MECOM: variants seen among roughly 807,000 people sequenced by gnomAD.
The protein encoded by MECOM is MDS1 and EVI1 complex locus.
Under a neutral mutation model 116.3 loss-of-function variants are expected in MECOM, and 13 were observed. The ratio of observed to expected loss-of-function variants is 0.11; its 90% CI spans 0.07 to 0.18. The LOEUF (loss-of-function observed/expected upper bound fraction) is 0.18, where lower values mean the gene tolerates loss of function less well. MECOM is among the 10% of genes least tolerant of loss of function. The probability of loss-of-function intolerance (pLI) is 1.00; values close to 1 mark genes in which losing one functional copy is unlikely to be tolerated. For synonymous variants in MECOM, 528 were observed against 535.2 expected, an observed-to-expected ratio of 0.99 and a Z score of 0.19; for missense variants, 1,299 against 1,509.0, an observed-to-expected ratio of 0.86 and a Z score of 2.31.
intron 10 of MECOM, among the ~76,000 whole-genome samples, chr3:169,105,744 C>T (rs1725193677): frequency 6.6e-6 from 1 of 152,050 alleles, no homozygotes; most frequent in Non-Finnish European, 1.5e-5. Flanking sequence ...ATGTTATCTG[C>T]AGCCAGATGT....
intron 8 of MECOM, among the ~76,000 whole-genome samples, chr3:169,114,394 T>C (rs937622323): frequency 6.6e-6 from 1 of 152,166 alleles, no homozygotes; most frequent in African/African-American, 2.4e-5. Context: ...ATAATATACA[T>C]AGAAGAAGAA....
chr3:169,212,633 AATGTATATATATATATATATATATAT>A (rs1436349379), intron 2 of MECOM, among the ~76,000 whole-genome samples: 13,133 of 85,506 alleles, frequency 0.15, 1,672 homozygotes, highest in Non-Finnish European at 0.17. Flanking sequence ...TCTAGTCAGC[AATGTATATATATATATATATATATAT>A]ATATATATAT....
chr3:169,564,868 A>G (rs1177410673), intron 1 of MECOM, among the ~76,000 whole-genome samples: 1 of 152,170 alleles, frequency 6.6e-6, no homozygotes, highest in Non-Finnish European at 1.5e-5. Context: ...GCCTTCCCCA[A>G]TCCCAGGAGA....
chr3:169,541,089 C>T (rs969605037), intron 1 of MECOM, among the ~76,000 whole-genome samples: 1 of 152,160 alleles, frequency 6.6e-6, no homozygotes, highest in Non-Finnish European at 1.5e-5. Context: ...GAGCAGCAGT[C>T]CACAAACTGT....
intron 1 of MECOM, among the ~76,000 whole-genome samples, chr3:169,574,296 G>T (rs574609285): frequency 1.3e-5 from 2 of 152,056 alleles, no homozygotes; most frequent in Non-Finnish European, 2.9e-5. Context: ...TGATTTCACC[G>T]AGAGATTTAT....
chr3:169,594,632 A>G (rs1243995154), intron 1 of MECOM, among the ~76,000 whole-genome samples: 3 of 151,628 alleles, frequency 2.0e-5, no homozygotes, highest in South Asian at 4.2e-4. Context: ...GCTTGGGGAA[A>G]TGGGAAGAGG....
At chr3:169,363,966 A>G (rs1728748376) in intron 2 of MECOM, among the ~76,000 whole-genome samples, 1 of 151,988 alleles carries the variant, frequency 6.6e-6, no homozygotes, top group South Asian at 2.1e-4. Flanking sequence ...TTCATAAAAT[A>G]CACACAGATG....
intron 1 of MECOM, among the ~76,000 whole-genome samples, chr3:169,646,297 G>C (rs9829892): frequency 1.5e-5 from 2 of 132,952 alleles, no homozygotes; most frequent in African/African-American, 5.6e-5. Flanking sequence ...ATCACACACC[G>C]GGGCCTGTCA....
chr3:169,503,068 C>T (rs138836048), intron 1 of MECOM, among the ~76,000 whole-genome samples: 36 of 152,248 alleles, frequency 2.4e-4, no homozygotes, highest in Non-Finnish European at 4.6e-4. Flanking sequence ...ATGTATCATA[C>T]GATAGTAAAT....
intron 1 of MECOM, among the ~76,000 whole-genome samples, chr3:169,564,368 A>G (rs893529019): frequency 6.6e-6 from 1 of 152,222 alleles, no homozygotes; most frequent in Non-Finnish European, 1.5e-5. Context: ...ATAAAGAATC[A>G]GAATATAGGA....
At chr3:169,330,649 A>G (rs994982762) in intron 2 of MECOM, among the ~76,000 whole-genome samples, 3 of 152,120 alleles carry the variant, frequency 2.0e-5, no homozygotes, top group Non-Finnish European at 2.9e-5. Context: ...GTTAAGCAAA[A>G]TAAGTTTTCT....
chr3:169,154,857 T>A (rs1741712390), intron 2 of MECOM, among the ~76,000 whole-genome samples: 1 of 152,206 alleles, frequency 6.6e-6, no homozygotes. Context: ...AAATCTTATC[T>A]ATACTTCTAA....
intron 2 of MECOM, among the ~76,000 whole-genome samples, chr3:169,219,694 G>A (rs1335470076): frequency 6.6e-6 from 1 of 151,654 alleles, no homozygotes; most frequent in Non-Finnish European, 1.5e-5. Context: ...GAGAAAGTCT[G>A]TCACACTTGC....
chr3:169,128,995 C>T (rs373805578), intron 4 of MECOM, among the ~76,000 whole-genome samples: 1 of 152,166 alleles, frequency 6.6e-6, no homozygotes, highest in East Asian at 1.9e-4. Flanking sequence ...AACAATATGA[C>T]ACATAATCCC....
chr3:169,303,915 C>T (rs560789477), intron 2 of MECOM, among the ~76,000 whole-genome samples: 21 of 152,330 alleles, frequency 1.4e-4, no homozygotes, highest in Non-Finnish European at 2.9e-4. Context: ...TGAGATCAGA[C>T]ACTGCTGGTT....
At chr3:169,316,680 T>G (rs893130123) in intron 2 of MECOM, among the ~76,000 whole-genome samples, 1 of 152,104 alleles carries the variant, frequency 6.6e-6, no homozygotes, top group African/African-American at 2.4e-5. Flanking sequence ...GCCTCCCAAG[T>G]AGTTGGGAAT....
At chr3:169,281,008 C>T (rs1711844311) in intron 2 of MECOM, among the ~76,000 whole-genome samples, 1 of 152,190 alleles carries the variant, frequency 6.6e-6, no homozygotes, top group Admixed American at 6.5e-5. Context: ...AATTTCAAAG[C>T]CTTTGGCTTG....
chr3:169,619,685 C>T (rs963208525), intron 1 of MECOM, among the ~76,000 whole-genome samples: 1 of 152,172 alleles, frequency 6.6e-6, no homozygotes, highest in Non-Finnish European at 1.5e-5. Context: ...GTCTCCTCCA[C>T]CCCCAGGGTT....
intron 2 of MECOM, among the ~76,000 whole-genome samples, chr3:169,196,154 G>A (rs1000968454): frequency 5.3e-5 from 8 of 151,952 alleles, no homozygotes; most frequent in Non-Finnish European, 1.2e-4. Flanking sequence ...TAGCTTATCA[G>A]CGTGTGCATT....
Sources: gnomAD v4.1 joint callset for allele counts (sites outside exome capture counted in the v4.1 genomes callset) on GRCh38, gnomAD v4.1.1 for gene constraint, MANE v1.5 for transcripts, NCBI Gene and HGNC (gene_info 2026-07-23, HGNC 2026-07-21) for gene names.